The following GOLGA4 variants were observed in gnomAD, a reference collection of about 807,000 sequenced individuals.
GOLGA4 encodes golgin subfamily A member 4.
Under a neutral mutation model 265.9 loss-of-function variants are expected in GOLGA4, and 169 were observed. The ratio of observed to expected loss-of-function variants is 0.64; its 90% CI spans 0.56 to 0.72. The LOEUF is 0.72. Ranked by LOEUF, GOLGA4 falls within the 30% of genes least tolerant of loss-of-function variation. GOLGA4 has a pLI of 0.00. For missense variants in GOLGA4, 2,482 were observed against 2,483.4 expected, an observed-to-expected ratio of 1.00 and a Z score of 0.01; for synonymous variants, 923 against 855.8, an observed-to-expected ratio of 1.08 and a Z score of -1.37.
intron 19 of GOLGA4, among the ~76,000 whole-genome samples, chr3:37,339,520 G>C (rs2097025878): frequency 6.6e-6 from 1 of 152,198 alleles, no homozygotes; most frequent in African/African-American, 2.4e-5. Flanking sequence ...CATCAACAAA[G>C]TATAAGAGTT....
In GOLGA4 at chr3:37,254,172, A is replaced by G. The variant is rs552606775; in HGVS notation, c.162+2688A>G. On this transcript the variant is annotated intron_variant, in intron 2 of 23. Coordinates refer to ENST00000361924, the MANE Select transcript of GOLGA4 (RefSeq NM_002078.5). ...GATTGCAAAAACATTACAACTCAGT[A>G]CTGCAGCTTTCATTCAAATAGGTTA... Among the ~76,000 whole-genome samples, 103 of 152,368 alleles carry G rather than the reference A, an allele frequency of 6.8e-4. No homozygotes were observed. In the Middle Eastern group the frequency reaches 0.014, roughly 20 times the overall value.
rs1227719483 is a variant in GOLGA4, at chr3:37,325,824, T to C, written c.3938T>C (p.Ile1313Thr). ...CAAATTAAGAGCATGAAGGCTGATA[T>C]TGAAAGTCTTGTAACAGAAAAAGAA... ...ENQIKSMKAD[I>T]ESLVTEKEAL... is the part of the protein sequence containing the mutation. Residue 1313 changes from isoleucine (I) to threonine (T), a missense_variant, in exon 14 of 24, where the codon ATT becomes ACT. Ile to Thr is a moderately conservative substitution (Grantham distance 89). This residue lies in a region of GOLGA4 where 1,536 missense variants were observed against 1,483.7 expected (regional missense o/e 1.04). Transcript: ENST00000361924. The C allele has an allele frequency of 2.5e-6, 4 of 1,613,136 alleles. No individual in the cohort carries two copies. The highest frequency in any genetic ancestry group is 1.3e-5 in the African/African-American group (1 of 74,876).
Position 37,327,212 on chromosome 3 carries a change from C to G in GOLGA4, c.5326C>G (p.Arg1776Gly), listed in dbSNP as rs756838815. The G allele has an allele frequency of 6.2e-7, 1 of 1,613,730 alleles. No homozygotes were observed. Residue 1776 changes from arginine (R) to glycine (G), a missense_variant, in exon 14 of 24, where the codon CGC (arginine) becomes GGC (glycine). By Grantham distance (125) the Arg-to-Gly change is moderately radical (BLOSUM62 -2). Transcript: ENST00000361924. ...HFEMRCQYQE[R>G]LIKLEHAEAK... ...TGAAATGCGATGCCAATACCAGGAG[C>G]GCTTAATAAAGCTAGAACATGCTGA... is the stretch of plus-strand genomic sequence containing the variant.
In GOLGA4 at chr3:37,366,127, C is replaced by T; in HGVS notation, c.*81C>T. On this transcript the variant is annotated 3_prime_UTR_variant, in exon 24 of 24. Coordinates refer to ENST00000361924, the MANE Select transcript of GOLGA4 (RefSeq NM_002078.5). ...GAAGAAGAGTGACATTGGGTGACTG[C>T]TGCTTGGAAAACTGTCCACACTTGC... 1.3e-6 allele frequency: 2 copies of T among 1,514,680 alleles called. No homozygotes were observed. The highest frequency in any genetic ancestry group is 1.8e-6 in the Non-Finnish European group (2 of 1,132,436). The allele number at this position is 1,514,680 out of a possible 1,614,324, so 93.8% of individuals were successfully genotyped here.
intron 10 of GOLGA4, 64 bp from the exon 11 acceptor site, chr3:37,315,356 T>C (rs2096934677): frequency 7.2e-7 from 1 of 1,397,694 alleles, no homozygotes; most frequent in Non-Finnish European, 9.9e-7. Flanking sequence ...AAATTGAATG[T>C]AAAACACTTT....
chr3:37,265,376 ATACTT>A (rs758225601), intron 2 of GOLGA4, among the ~76,000 whole-genome samples: 3 of 152,220 alleles, frequency 2.0e-5, no homozygotes, highest in Non-Finnish European at 4.4e-5. Context: ...TCTTCTGTAC[ATACTT>A]TAGAGAAAAA....
intron 14 of GOLGA4, 41 bp downstream of exon 14, chr3:37,327,866 T>A (rs1173824321): frequency 6.7e-7 from 1 of 1,482,208 alleles, no homozygotes. Context: ...TGGCAGTCCT[T>A]CTTAATTAAG....
Position 37,347,221 on chromosome 3 carries a change from A to G in GOLGA4, c.6501A>G (p.Ser2167=). The G allele has an allele frequency of 6.2e-7, 1 of 1,612,280 alleles. No homozygotes were observed. Among genetic ancestry groups the G allele is most frequent in the Non-Finnish European group, 8.5e-7 (1 of 1,178,784 alleles). The change falls in exon 21 of 24, where the codon TCA becomes TCG. Residue 2167 remains serine (S), a synonymous_variant. Coordinates refer to ENST00000361924, the MANE Select transcript of GOLGA4 (RefSeq NM_002078.5). ...GCAATTTGTACCATACGGATGTCTC[A>G]CTCTTTGGAGAACCTACCGAATTTG... ...KGGNLYHTDV[S]LFGEPTEFEY... is the part of the protein sequence containing the mutation.
chr3:37,284,289 G>A (rs1205225188), intron 3 of GOLGA4, among the ~76,000 whole-genome samples: 1 of 151,986 alleles, frequency 6.6e-6, no homozygotes, highest in Non-Finnish European at 1.5e-5. Flanking sequence ...TTGTGAGACG[G>A]AGTCTCACTC....
chr3:37,335,073 T>C lies in GOLGA4; in HGVS notation c.6213T>C (p.Thr2071=). The C allele has an allele frequency of 6.2e-7, 1 of 1,601,668 alleles. No individual in the cohort carries two copies. The highest frequency in any genetic ancestry group is 8.5e-7 in the Non-Finnish European group (1 of 1,171,066). The change falls in exon 17 of 24, where the codon ACT becomes ACC. Residue 2071 remains threonine (T), a synonymous_variant. Transcript: ENST00000361924. Reference sequence around the variant, plus strand: ...TAAAGGCTCGTGAAGAAGAAATGACTGCAAAAGTAAGGGACCTGCAGACTC... The same window carrying C: ...TAAAGGCTCGTGAAGAAGAAATGACCGCAAAAGTAAGGGACCTGCAGACTC... The part of the protein sequence containing the change: ...EILDAREEEM[T]AKVRDLQTQL...
intron 10 of GOLGA4, among the ~76,000 whole-genome samples, chr3:37,314,115 T>C (rs187747970): frequency 1.3e-5 from 2 of 152,016 alleles, no homozygotes; most frequent in African/African-American, 2.4e-5. Flanking sequence ...ATTACAGGCA[T>C]GTGCTACCAC....
chr3:37,327,332 G>T lies in GOLGA4; in HGVS notation c.5446G>T (p.Val1816Leu), dbSNP rs775453458. The T allele has an allele frequency of 6.2e-7, 1 of 1,613,906 alleles. No individual in the cohort carries two copies. Among genetic ancestry groups the T allele is most frequent in the Admixed American group, 1.7e-5 (1 of 59,986 alleles). Residue 1816 changes from valine (V) to leucine (L), a missense_variant, in exon 14 of 24, where the codon GTG (valine) becomes TTG (leucine). Coordinates refer to ENST00000361924, the MANE Select transcript of GOLGA4 (RefSeq NM_002078.5). The stretch of plus-strand genomic sequence containing the variant: ...ATATTCCTTGATAGTAGCCCAGCAT[G>T]TGGAAAAAGAAGGAGGTAAAAATAA... ...KKYSLIVAQH[V>L]EKEGGKNNIQ...
chr3:37,254,666 C>A (rs1309501525), intron 2 of GOLGA4, among the ~76,000 whole-genome samples: 4 of 151,782 alleles, frequency 2.6e-5, no homozygotes, highest in African/African-American at 4.8e-5. Context: ...CCATGCCCAG[C>A]TAATTTTTTG....
intron 2 of GOLGA4, among the ~76,000 whole-genome samples, chr3:37,254,172 ACTG>A (rs1456221113): frequency 2.0e-5 from 3 of 152,250 alleles, no homozygotes; most frequent in Non-Finnish European, 2.9e-5. Flanking sequence ...ACAACTCAGT[ACTG>A]CAGCTTTCAT....
rs1192910720 is a variant in GOLGA4 at position 37,326,869 on chromosome 3, GAA to G, written c.4985_4986del (p.Lys1662ArgfsTer5). 6.2e-7 allele frequency: 1 copy of G among 1,613,450 alleles called. No individual in the cohort carries two copies. The highest frequency in any genetic ancestry group is 8.5e-7 in the Non-Finnish European group (1 of 1,179,716). ...KKQLLSQMEEKEEQYKKGTES... is the reference protein window; with the variant it reads ...KKQLLSQMEEXEEQYKKGTES... ...AGCAGTTGTTATCTCAAATGGAAGAGAAAGAAGAACAGTATAAAAAAGGTACA... is the reference window on the plus strand; with the variant it reads ...AGCAGTTGTTATCTCAAATGGAAGAGAGAAGAACAGTATAAAAAAGGTACA... On this transcript the variant is annotated frameshift_variant, in exon 14 of 24. Coordinates refer to ENST00000361924, the MANE Select transcript of GOLGA4 (RefSeq NM_002078.5). LOFTEE classifies it high-confidence loss of function.
At chr3:37,279,558 G>GT (rs1048206358) in intron 2 of GOLGA4, among the ~76,000 whole-genome samples, 7 of 151,930 alleles carry the variant, frequency 4.6e-5, no homozygotes, top group African/African-American at 1.2e-4. Context: ...TACTTGCTGT[G>GT]TTTTTTTTCC....
rs370693075 is a variant in GOLGA4 at position 37,319,051 on chromosome 3, G to T, written c.1414-12G>T. ...TGGGTGTCCTTATATTATCTATTTG[G>T]CTCATTTTCAGAAATCCTCAGAAGA... On this transcript the variant is annotated splice_polypyrimidine_tract_variant and intron_variant, in intron 11 of 23. Coordinates refer to ENST00000361924, the MANE Select transcript of GOLGA4 (RefSeq NM_002078.5). The T allele has an allele frequency of 2.0e-4, 310 of 1,568,792 alleles. No homozygotes were observed. Among genetic ancestry groups the T allele is most frequent in the Admixed American group, 2.4e-4 (13 of 53,190 alleles).
At position 37,264,215 on chromosome 3, in the gene GOLGA4, A is replaced by G. The variant is rs564963106; in HGVS notation, c.162+12731A>G. 1.1e-4 allele frequency among the ~76,000 whole-genome samples: 16 copies of G among 152,376 alleles called. No homozygotes were observed. The South Asian group carries it at 2.9e-3, about 28-fold the overall frequency. On this transcript the variant is annotated intron_variant, in intron 2 of 23. Transcript: ENST00000361924. ...TTTTGAATTATTTTCTAATGTGGGC[A>G]AGAGCGACTTCATTACAAAAATTAA...
intron 4 of GOLGA4, among the ~76,000 whole-genome samples, chr3:37,286,694 T>C (rs2096850363): frequency 6.6e-6 from 1 of 152,220 alleles, no homozygotes; most frequent in East Asian, 1.9e-4. Context: ...GGTTGCTTCC[T>C]TGTTTTAGTG....
Sources: allele counts gnomAD v4.1 joint callset (sites outside exome capture counted in the v4.1 genomes callset), GRCh38; gene constraint gnomAD v4.1.1; regional missense constraint gnomAD v4.1.1; transcripts MANE v1.5; gene names NCBI Gene and HGNC (gene_info 2026-07-23, HGNC 2026-07-21).